The following REC114 variants were observed in gnomAD, a reference collection of about 807,000 sequenced individuals.
REC114 encodes the protein REC114 meiotic recombination protein, also known as meiotic recombination protein REC114.
Under a neutral mutation model 31.3 loss-of-function variants are expected in REC114, and 27 were observed. That is an observed-to-expected ratio of 0.86 (90% CI 0.64 to 1.19). The LOEUF (loss-of-function observed/expected upper bound fraction) is 1.19, where lower values mean the gene tolerates loss of function less well. Among genes scored for constraint, REC114 ranks in the 50% most tolerant of loss-of-function variants. The pLI is 0.00. For synonymous variants in REC114, 134 were observed against 127.7 expected (o/e 1.05, Z -0.33); for missense variants, 344 against 326.9 (o/e 1.05, Z -0.40).
chr15:73,526,483 C>T (rs767799798), intron 2 of REC114, among the ~76,000 whole-genome samples: 1 of 152,128 alleles, frequency 6.6e-6, no homozygotes, highest in Non-Finnish European at 1.5e-5. Flanking sequence ...TTTATCACCA[C>T]CCACCATGGC....
intron 2 of REC114, among the ~76,000 whole-genome samples, chr15:73,479,605 C>G (rs1367292301): frequency 6.6e-6 from 1 of 152,064 alleles, no homozygotes; most frequent in African/African-American, 2.4e-5. Flanking sequence ...CTGGCCCACC[C>G]CTAGTAACCA....
intron 2 of REC114, among the ~76,000 whole-genome samples, chr15:73,494,128 T>G (rs577751910): frequency 6.6e-6 from 1 of 152,324 alleles, no homozygotes; most frequent in South Asian, 2.1e-4. Context: ...GCATAAATTC[T>G]TCAACAGTTT....
intron 2 of REC114, among the ~76,000 whole-genome samples, chr15:73,505,207 A>C (rs888658970): frequency 3.3e-5 from 5 of 152,154 alleles, no homozygotes; most frequent in African/African-American, 1.2e-4. Flanking sequence ...CCTTAGATTC[A>C]CTATGTTTGT....
chr15:73,546,948 C>A (rs1284017702), intron 3 of REC114, among the ~76,000 whole-genome samples: 1 of 151,820 alleles, frequency 6.6e-6, no homozygotes, highest in African/African-American at 2.4e-5. Flanking sequence ...AGACCTCAAA[C>A]TATGAAAACT....
At chr15:73,480,078 C>G (rs894800149) in intron 2 of REC114, among the ~76,000 whole-genome samples, 45 of 152,090 alleles carry the variant, frequency 3.0e-4, no homozygotes, top group Admixed American at 1.8e-3. Context: ...TGCTTTTTCT[C>G]CATATTCTCA....
intron 2 of REC114, among the ~76,000 whole-genome samples, chr15:73,525,876 A>C (rs1264610656): frequency 6.6e-6 from 1 of 152,200 alleles, no homozygotes; most frequent in African/African-American, 2.4e-5. Context: ...TAAGTGTTCC[A>C]TATTCCTAAT....
intron 3 of REC114, among the ~76,000 whole-genome samples, chr15:73,547,026 C>T (rs1894318478): frequency 6.6e-6 from 1 of 152,010 alleles, no homozygotes. Context: ...CAGTAATACC[C>T]CACAAGTGTA....
chr15:73,523,955 C>A (rs4523893), intron 2 of REC114, among the ~76,000 whole-genome samples: 3 of 152,130 alleles, frequency 2.0e-5, no homozygotes, highest in Non-Finnish European at 4.4e-5. Context: ...ATTGTACTTC[C>A]TTCATTGAAT....
At position 73,540,282 on chromosome 15, in the gene REC114, C is replaced by A. The variant is rs12442903; in HGVS notation, c.250-203C>A. ...AGATTAAGAAAAAAAAGTTGTCTTACGTTCCTCATGCAGGAAAAGCACCAG... is the reference window on the plus strand; with the variant it reads ...AGATTAAGAAAAAAAAGTTGTCTTAAGTTCCTCATGCAGGAAAAGCACCAG... On this transcript the variant is annotated intron_variant, in intron 2 of 5. Transcript: ENST00000331090. Among the ~76,000 whole-genome samples the A allele has an allele frequency of 7.2e-5, 11 of 151,986 alleles. No homozygotes were observed. The South Asian group carries it at 2.3e-3, about 32-fold the overall frequency.
At chr15:73,469,617 A>G (rs553162040) in intron 1 of REC114, among the ~76,000 whole-genome samples, 8 of 149,662 alleles carry the variant, frequency 5.3e-5, no homozygotes, top group Non-Finnish European at 1.2e-4. Flanking sequence ...TTCTGTAGAG[A>G]TCAAGTCTTG....
At chr15:73,504,102 G>A (rs943227659) in intron 2 of REC114, among the ~76,000 whole-genome samples, 1 of 144,714 alleles carries the variant, frequency 6.9e-6, no homozygotes, top group Non-Finnish European at 1.5e-5. Context: ...TGCCTCTCAG[G>A]TTCAAGCGAT....
intron 2 of REC114, among the ~76,000 whole-genome samples, chr15:73,537,325 G>A (rs1894169073): frequency 6.6e-6 from 1 of 152,124 alleles, no homozygotes; most frequent in Non-Finnish European, 1.5e-5. Context: ...GGGGGAAGAG[G>A]CAGAAGAGAT....
intron 2 of REC114, among the ~76,000 whole-genome samples, 167 bp downstream of exon 2, chr15:73,474,088 T>C (rs1197774853): frequency 6.6e-6 from 1 of 152,224 alleles, no homozygotes; most frequent in East Asian, 1.9e-4. Context: ...AGAAACGTAC[T>C]GAATATTGCC....
intron 4 of REC114, 138 bp downstream of exon 4, chr15:73,551,288 T>C: frequency 1.2e-6 from 1 of 861,148 alleles, no homozygotes; most frequent in Non-Finnish European, 1.8e-6. Context: ...CTTTTTAAAA[T>C]TGAGGTCGAT....
intron 5 of REC114, among the ~76,000 whole-genome samples, chr15:73,559,200 T>C (rs1167643607): frequency 6.6e-6 from 1 of 152,186 alleles, no homozygotes; most frequent in Admixed American, 6.5e-5. Flanking sequence ...GAAAGAAATG[T>C]TCTGTATTTT....
At chr15:73,462,734 A>G (rs1893005632) in intron 1 of REC114, among the ~76,000 whole-genome samples, 1 of 151,902 alleles carries the variant, frequency 6.6e-6, no homozygotes, top group Non-Finnish European at 1.5e-5. Context: ...AAATACAAAA[A>G]ATTAGCCGGG....
At chr15:73,534,410 A>T (rs1391766920) in intron 2 of REC114, among the ~76,000 whole-genome samples, 4 of 152,222 alleles carry the variant, frequency 2.6e-5, no homozygotes, top group Admixed American at 6.5e-5. Flanking sequence ...ACCTCTACGC[A>T]AATAAACTAG....
At chr15:73,511,420 T>G (rs1401134975) in intron 2 of REC114, among the ~76,000 whole-genome samples, 50 of 152,200 alleles carry the variant, frequency 3.3e-4, no homozygotes, top group Non-Finnish European at 5.7e-4. Flanking sequence ...ATTTTTTGAA[T>G]GGTTTTTTGT....
chr15:73,556,439 C>A (rs1443384321), intron 5 of REC114, 48 bp downstream of exon 5: 25 of 1,481,346 alleles, frequency 1.7e-5, no homozygotes, highest in Non-Finnish European at 2.1e-5. Flanking sequence ...GAAGCAGTGA[C>A]CCCTAAGAAT....
Sources: allele counts gnomAD v4.1 joint callset (sites outside exome capture counted in the v4.1 genomes callset), GRCh38; gene constraint gnomAD v4.1.1; transcripts MANE v1.5; gene names NCBI Gene and HGNC (gene_info 2026-07-23, HGNC 2026-07-21).